Variants in SUCLG2 observed in about 807,000 individuals in gnomAD.
SUCLG2 encodes the protein succinate-CoA ligase GDP-forming subunit beta, also known as succinate--CoA ligase [GDP-forming] subunit beta, mitochondrial.
In SUCLG2, 42 loss-of-function variants were observed where a neutral mutation model predicts 47.9. That is an observed-to-expected ratio of 0.88 (90% confidence interval 0.69 to 1.14). The LOEUF is 1.14. SUCLG2 is among the 50% of genes most tolerant of loss of function. SUCLG2 has a pLI of 0.00. For missense variants in SUCLG2, 571 were observed against 525.9 expected, an observed-to-expected ratio of 1.09 and a Z score of -0.84; for synonymous variants, 195 against 197.3, an observed-to-expected ratio of 0.99 and a Z score of 0.10.
chr3:67,371,035 T>C (rs1559634518), downstream of SUCLG2, among the ~76,000 whole-genome samples: 1 of 152,200 alleles, frequency 6.6e-6, no homozygotes, highest in Non-Finnish European at 1.5e-5. Context: ...AAACTCCAAA[T>C]TGAATCTCCA....
chr3:67,535,835 T>C (rs182840511), intron 2 of SUCLG2, among the ~76,000 whole-genome samples: 1 of 152,314 alleles, frequency 6.6e-6, no homozygotes, highest in Admixed American at 6.5e-5. Context: ...TCACAAATTC[T>C]GTGCAAACTC....
chr3:67,370,104 G>A (rs936348146), downstream of SUCLG2, among the ~76,000 whole-genome samples: 1 of 151,896 alleles, frequency 6.6e-6, no homozygotes, highest in Non-Finnish European at 1.5e-5. Flanking sequence ...AAATTCACAC[G>A]CAATATTCTG....
chr3:67,370,578 A>G (rs76293454), downstream of SUCLG2, among the ~76,000 whole-genome samples: 12,644 of 152,288 alleles, frequency 0.083, 669 homozygotes, highest in Middle Eastern at 0.14. Context: ...GTGAATGCCT[A>G]AAACCACAGA....
At chr3:67,531,316 A>G (rs1420740100) in intron 2 of SUCLG2, among the ~76,000 whole-genome samples, 1 of 152,168 alleles carries the variant, frequency 6.6e-6, no homozygotes, top group African/African-American at 2.4e-5. Flanking sequence ...CTGGCATTCC[A>G]TTGCCATTAT....
rs543006276 is a variant in SUCLG2 at position 67,617,448 on chromosome 3, A to G, written c.85-7852T>C. On this transcript the variant is annotated intron_variant, in intron 1 of 10. Coordinates refer to ENST00000307227, the MANE Select transcript of SUCLG2 (RefSeq NM_003848.4). ...TGTCAGATGTAGAAGGAAGAATAGG[A>G]CTGTGGGTACTGACACTGTTCTTTT... Among the ~76,000 whole-genome samples, 8 of 152,254 alleles carry G rather than the reference A, an allele frequency of 5.3e-5. No homozygotes were observed. In the East Asian group the frequency reaches 1.4e-3, roughly 26 times the overall value.
chr3:67,398,823 A>G (rs914701457), intron 10 of SUCLG2, among the ~76,000 whole-genome samples: 9 of 152,156 alleles, frequency 5.9e-5, no homozygotes, highest in Admixed American at 1.3e-4. Flanking sequence ...CATATACACC[A>G]TGGAATACTA....
At chr3:67,617,716 A>C (rs1463239790) in intron 1 of SUCLG2, among the ~76,000 whole-genome samples, 1 of 152,196 alleles carries the variant, frequency 6.6e-6, no homozygotes, top group African/African-American at 2.4e-5. Context: ...AGCTGACATG[A>C]GTTTCACTTC....
At chr3:67,480,437 T>A (rs1352573166) in intron 9 of SUCLG2, among the ~76,000 whole-genome samples, 1 of 152,250 alleles carries the variant, frequency 6.6e-6, no homozygotes, top group Non-Finnish European at 1.5e-5. Flanking sequence ...TCTCACAGAT[T>A]ACCAGATGAT....
intron 9 of SUCLG2, among the ~76,000 whole-genome samples, chr3:67,453,130 C>T (rs1223741010): frequency 6.6e-6 from 1 of 152,088 alleles, no homozygotes; most frequent in Non-Finnish European, 1.5e-5. Flanking sequence ...GACTACAACA[C>T]TGAATATCAA....
At chr3:67,473,508 T>C (rs1184956162) in intron 9 of SUCLG2, among the ~76,000 whole-genome samples, 1 of 152,200 alleles carries the variant, frequency 6.6e-6, no homozygotes, top group Non-Finnish European at 1.5e-5. Context: ...AGGTGTGTTT[T>C]AGAGACTGTT....
intron 9 of SUCLG2, among the ~76,000 whole-genome samples, chr3:67,478,854 G>T (rs1704836731): frequency 6.6e-6 from 1 of 152,146 alleles, no homozygotes; most frequent in South Asian, 2.1e-4. Context: ...GTGCTTAAAG[G>T]CACTAAAATG....
downstream of SUCLG2, among the ~76,000 whole-genome samples, chr3:67,371,090 G>A (rs1319074622): frequency 6.6e-6 from 1 of 152,098 alleles, no homozygotes; most frequent in Non-Finnish European, 1.5e-5. Context: ...AAACAGATGT[G>A]TTAATGACTA....
intron 2 of SUCLG2, among the ~76,000 whole-genome samples, chr3:67,574,980 G>A (rs1046094776): frequency 6.6e-6 from 1 of 152,134 alleles, no homozygotes; most frequent in Non-Finnish European, 1.5e-5. Context: ...AGTTAGAAAA[G>A]ATAAATTAAA....
chr3:67,608,739 G>A (rs1559594168), intron 2 of SUCLG2, among the ~76,000 whole-genome samples: 1 of 151,380 alleles, frequency 6.6e-6, no homozygotes, highest in African/African-American at 2.4e-5. Flanking sequence ...GTATGTTAGA[G>A]TGATCATAGC....
intron 1 of SUCLG2, among the ~76,000 whole-genome samples, chr3:67,643,638 C>G (rs1417692498): frequency 6.6e-6 from 1 of 152,090 alleles, no homozygotes; most frequent in Non-Finnish European, 1.5e-5. Context: ...CTCACAACAC[C>G]AAACACATCT....
intron 9 of SUCLG2, among the ~76,000 whole-genome samples, chr3:67,495,125 G>C (rs1280215950): frequency 6.6e-6 from 1 of 152,144 alleles, no homozygotes; most frequent in Non-Finnish European, 1.5e-5. Flanking sequence ...AATACCTTCA[G>C]CATCTTTATG....
chr3:67,589,686 C>T (rs1303685111), intron 2 of SUCLG2, among the ~76,000 whole-genome samples: 1 of 152,216 alleles, frequency 6.6e-6, no homozygotes, highest in African/African-American at 2.4e-5. Context: ...CTGCTGTCCT[C>T]TAATTATACT....
intron 5 of SUCLG2, among the ~76,000 whole-genome samples, chr3:67,518,783 C>G (rs1426117900): frequency 6.6e-6 from 1 of 152,118 alleles, no homozygotes; most frequent in African/African-American, 2.4e-5. Flanking sequence ...TACCTTAGCT[C>G]TACAAAATGA....
intron 9 of SUCLG2, among the ~76,000 whole-genome samples, chr3:67,456,744 ATCTC>A (rs1039173251): frequency 2.6e-5 from 4 of 152,210 alleles, no homozygotes; most frequent in Admixed American, 2.6e-4. Context: ...ACATCACGGT[ATCTC>A]TCTCAAGCAA....
Sources: allele counts gnomAD v4.1 joint callset (sites outside exome capture counted in the v4.1 genomes callset), GRCh38; gene constraint gnomAD v4.1.1; transcripts MANE v1.5; gene names NCBI Gene and HGNC (gene_info 2026-07-23, HGNC 2026-07-21).